The following USP12 variants were observed in gnomAD, a reference collection of about 807,000 sequenced individuals.
The protein encoded by USP12 is ubiquitin specific peptidase 12.
Under a neutral mutation model 45.5 loss-of-function variants are expected in USP12, and 19 were observed. The observed-to-expected ratio is 0.42, with a 90% CI of 0.29 to 0.61. The LOEUF is 0.61. USP12 is among the 20% of genes least tolerant of loss of function. The probability of loss-of-function intolerance (pLI) is 0.22; values close to 1 mark genes in which losing one functional copy is unlikely to be tolerated. For missense variants in USP12, 242 were observed against 447.7 expected, an observed-to-expected ratio of 0.54 and a Z score of 4.15; for synonymous variants, 149 against 148.8, an observed-to-expected ratio of 1.00 and a Z score of -0.01.
chr13:27,084,700 C>G (rs1033722244), intron 6 of USP12, among the ~76,000 whole-genome samples: 8 of 152,064 alleles, frequency 5.3e-5, no homozygotes, highest in African/African-American at 1.4e-4. Context: ...GATCAGTTGC[C>G]TGTATATGTA....
At chr13:27,144,736 TG>T (rs1228892229) in intron 1 of USP12, among the ~76,000 whole-genome samples, 1 of 139,708 alleles carries the variant, frequency 7.2e-6, no homozygotes, top group Non-Finnish European at 1.6e-5. Flanking sequence ...TTGGAAGTTT[TG>T]TTTTTTGTTG....
intron 2 of USP12, among the ~76,000 whole-genome samples, chr13:27,107,337 AC>A (rs1840979213): frequency 6.6e-6 from 1 of 152,154 alleles, no homozygotes; most frequent in African/African-American, 2.4e-5. Context: ...AAACAAACAA[AC>A]AAAAAAAACA....
intron 6 of USP12, among the ~76,000 whole-genome samples, chr13:27,076,182 T>C (rs1593170986): frequency 6.6e-6 from 1 of 152,068 alleles, no homozygotes; most frequent in East Asian, 1.9e-4. Flanking sequence ...ATAAAAGCAC[T>C]AAAGACCAAT....
rs1246603978 is a variant in USP12, at chr13:27,095,720, G to A, written c.454C>T (p.Arg152Cys). 1.9e-6 allele frequency: 3 copies of A among 1,612,782 alleles called. No individual in the cohort carries two copies. The highest frequency in any genetic ancestry group is 2.5e-6 in the Non-Finnish European group (3 of 1,179,390). Residue 152 changes from arginine (R) to cysteine (C), a missense_variant, in exon 4 of 9, where the codon CGT becomes TGT. Arg to Cys is a radical substitution (Grantham distance 180). Coordinates refer to ENST00000282344, the MANE Select transcript of USP12 (RefSeq NM_182488.4). Reference protein sequence around the residue: ...EERKQEKQNGRLPNGNIDNEN... With the variant: ...EERKQEKQNGCLPNGNIDNEN... ...TTATCAATATTACCATTAGGTAAAC[G>A]ACCATTTTGTTTTTCCTGCTTTCTC...
At chr13:27,093,960 C>T (rs150648395) in intron 4 of USP12, among the ~76,000 whole-genome samples, 226 of 152,234 alleles carry the variant, frequency 1.5e-3, no homozygotes, top group African/African-American at 5.2e-3. Context: ...TTCAACTACA[C>T]AATATTCTGG....
rs1365522589 is a variant in USP12, at chr13:27,139,567, G to C, written c.49-22971C>G. Among the ~76,000 whole-genome samples the C allele has an allele frequency of 2.0e-5, 3 of 152,244 alleles. No homozygotes were observed. The East Asian group carries it at 5.8e-4, about 29-fold the overall frequency. On this transcript the variant is annotated intron_variant, in intron 1 of 8. Coordinates refer to ENST00000282344, the MANE Select transcript of USP12 (RefSeq NM_182488.4). ...GGAGGCGGAGGCTGCAGTGAGCCGA[G>C]ATCGCGCCACTGCACTCCAGCCTGG...
At chr13:27,109,774 C>T (rs541105491) in intron 2 of USP12, among the ~76,000 whole-genome samples, 113 of 151,726 alleles carry the variant, frequency 7.4e-4, no homozygotes, top group African/African-American at 2.6e-3. Context: ...ACTAGCCGGG[C>T]GTTTTACTCC....
intron 1 of USP12, among the ~76,000 whole-genome samples, chr13:27,167,267 A>AT (rs1566010382): frequency 6.6e-6 from 1 of 151,784 alleles, no homozygotes; most frequent in Non-Finnish European, 1.5e-5. Flanking sequence ...CGTCTCAAAA[A>AT]AAAAATAAAA....
intron 6 of USP12, among the ~76,000 whole-genome samples, chr13:27,088,372 G>C (rs961958844): frequency 7.5e-6 from 1 of 133,280 alleles, no homozygotes; most frequent in Non-Finnish European, 1.5e-5. Flanking sequence ...AGCCGAGATC[G>C]CACCACTGCA....
At chr13:27,136,086 A>G (rs141330214) in intron 1 of USP12, among the ~76,000 whole-genome samples, 41 of 152,278 alleles carry the variant, frequency 2.7e-4, no homozygotes, top group African/African-American at 9.4e-4. Context: ...AATAAAGTAA[A>G]CCGCTTTCCA....
chr13:27,114,769 T>TAA (rs11366017), intron 2 of USP12, among the ~76,000 whole-genome samples: 3,610 of 142,722 alleles, frequency 0.025, 151 homozygotes, highest in African/African-American at 0.087. Context: ...TCTCCATTTT[T>TAA]AAAAAAAAAA....
intron 1 of USP12, among the ~76,000 whole-genome samples, chr13:27,167,830 T>C (rs2104580): frequency 0.059 from 9,041 of 152,138 alleles, 289 homozygotes; most frequent in Admixed American, 0.087. Context: ...GGCTCTGAGG[T>C]TTGCCCCAGC....
At chr13:27,070,776 C>T (rs1873212411) in intron 8 of USP12, among the ~76,000 whole-genome samples, 1 of 152,180 alleles carries the variant, frequency 6.6e-6, no homozygotes, top group Non-Finnish European at 1.5e-5. Context: ...TGGTCTCAAA[C>T]TCCCGACCTC....
rs568802364 is a variant in USP12, at chr13:27,067,874, A to G, written c.*1409T>C. ...TGTCAGACAACTTACTGATGCATGG[A>G]AAAACGTCCAAAAAAACTGCAATCG... On this transcript the variant is annotated 3_prime_UTR_variant, in exon 9 of 9. Coordinates refer to ENST00000282344, the MANE Select transcript of USP12 (RefSeq NM_182488.4). 5.3e-5 allele frequency: 8 copies of G among 152,206 alleles called. No individual in the cohort carries two copies. The highest frequency in any genetic ancestry group is 1.0e-4 in the Non-Finnish European group (7 of 68,046). The allele number at this position is 152,206 out of a possible 1,614,324, so 9.4% of individuals were successfully genotyped here.
intron 1 of USP12, among the ~76,000 whole-genome samples, chr13:27,136,239 C>T (rs932166426): frequency 5.3e-5 from 8 of 152,184 alleles, no homozygotes; most frequent in Admixed American, 2.6e-4. Flanking sequence ...GCGGTGCTCA[C>T]GCCTGTAATT....
At chr13:27,161,908 T>TAAAAAAAAA (rs1878127150) in intron 1 of USP12, among the ~76,000 whole-genome samples, 1 of 49,878 alleles carries the variant, frequency 2.0e-5, no homozygotes, top group African/African-American at 4.7e-5. Flanking sequence ...TAAAAAAAAA[T>TAAAAAAAAA]TAAAAAGCCA....
intron 1 of USP12, among the ~76,000 whole-genome samples, chr13:27,118,955 A>G: frequency 6.6e-6 from 1 of 152,202 alleles, no homozygotes; most frequent in East Asian, 1.9e-4. Flanking sequence ...TTGTCCTCAC[A>G]GTAGTTTCAA....
intron 2 of USP12, among the ~76,000 whole-genome samples, chr13:27,108,689 G>T (rs1464325033): frequency 6.6e-6 from 1 of 152,170 alleles, no homozygotes; most frequent in African/African-American, 2.4e-5. Flanking sequence ...GGGTACAATG[G>T]CTCATGCCTG....
intron 6 of USP12, among the ~76,000 whole-genome samples, chr13:27,084,447 A>G (rs1025789721): frequency 1.2e-4 from 17 of 147,720 alleles, no homozygotes; most frequent in African/African-American, 4.3e-4. Flanking sequence ...TGGAGGTTGC[A>G]GTGAGCCAAG....
Sources: gnomAD v4.1 joint callset for allele counts (sites outside exome capture counted in the v4.1 genomes callset) on GRCh38, gnomAD v4.1.1 for gene constraint, MANE v1.5 for transcripts, NCBI Gene and HGNC (gene_info 2026-07-23, HGNC 2026-07-21) for gene names.